Variants in PTPRO observed in about 807,000 individuals in gnomAD.
PTPRO encodes receptor-type tyrosine-protein phosphatase O.
PTPRO carries 62 observed loss-of-function variants against 145.2 expected under a neutral mutation model. The ratio of observed to expected loss-of-function variants is 0.43; its 90% CI spans 0.35 to 0.53. PTPRO has a LOEUF of 0.53. Ranked by LOEUF, PTPRO falls within the 20% of genes least tolerant of loss-of-function variation. The pLI is 0.01. For missense variants in PTPRO, 1,345 were observed against 1,482.7 expected, an observed-to-expected ratio of 0.91 and a Z score of 1.53; for synonymous variants, 565 against 514.7, an observed-to-expected ratio of 1.10 and a Z score of -1.32.
At chr12:15,514,041 T>C (rs1942522182) in intron 7 of PTPRO, among the ~76,000 whole-genome samples, 4 of 152,250 alleles carry the variant, frequency 2.6e-5, no homozygotes, top group Admixed American at 2.0e-4. Flanking sequence ...AACCTTTTAG[T>C]TGAATTATCA....
At chr12:15,355,344 G>A (rs1937951717) in intron 1 of PTPRO, among the ~76,000 whole-genome samples, 1 of 152,142 alleles carries the variant, frequency 6.6e-6, no homozygotes. Context: ...TAGAGCATGG[G>A]TGTCCTCTTC....
chr12:15,593,501 AT>A (rs1944595465), intron 25 of PTPRO, among the ~76,000 whole-genome samples: 3 of 152,194 alleles, frequency 2.0e-5, no homozygotes, highest in Admixed American at 2.0e-4. Context: ...CTCATATTAT[AT>A]GTATGTATAT....
chr12:15,513,193 G>GAA (rs1174696562), intron 7 of PTPRO, among the ~76,000 whole-genome samples: 1 of 98,976 alleles, frequency 1.0e-5, no homozygotes, highest in East Asian at 2.8e-4. Flanking sequence ...AAGAAAGAAA[G>GAA]AAAGAAAGAA....
At chr12:15,510,415 C>T (rs777731615) in intron 7 of PTPRO, among the ~76,000 whole-genome samples, 2 of 152,174 alleles carry the variant, frequency 1.3e-5, no homozygotes, top group Non-Finnish European at 2.9e-5. Flanking sequence ...CCCCTACAGA[C>T]CTTGACCTAG....
At chr12:15,541,489 A>T (rs778325996) in intron 12 of PTPRO, among the ~76,000 whole-genome samples, 8 of 152,196 alleles carry the variant, frequency 5.3e-5, no homozygotes, top group Non-Finnish European at 1.2e-4. Flanking sequence ...AACAACAGAA[A>T]TTTGTTTTCT....
At chr12:15,499,881 A>G (rs535106727) in intron 4 of PTPRO, among the ~76,000 whole-genome samples, 3 of 152,228 alleles carry the variant, frequency 2.0e-5, no homozygotes, top group Non-Finnish European at 4.4e-5. Flanking sequence ...GATCTAGTAG[A>G]CATCAGTTAT....
intron 2 of PTPRO, among the ~76,000 whole-genome samples, chr12:15,487,973 T>C (rs1299940172): frequency 6.6e-6 from 1 of 152,190 alleles, no homozygotes; most frequent in Admixed American, 6.5e-5. Flanking sequence ...TGTTGTATCC[T>C]CTTCCTGCTG....
rs1271095110 is a variant in PTPRO at position 15,524,826 on chromosome 12, C to T, written c.1904C>T (p.Pro635Leu). ...TISFITAPVAPEITSVEYFNS... is the reference protein window; with the variant it reads ...TISFITAPVALEITSVEYFNS... ...TTCTCCCTTGTAGCCCCAGTGGCTC[C>T]GGAAATCACTTCTGTGGAATATTTC... The change falls in exon 11 of 27, where the codon CCG becomes CTG. Residue 635 changes from proline to leucine, a missense_variant. Physicochemically the swap from Pro to Leu is moderately conservative, Grantham distance 98. This residue lies in a region of PTPRO where 1,130 missense variants were observed against 1,214.7 expected (regional missense o/e 0.93). Coordinates refer to ENST00000281171, the MANE Select transcript of PTPRO (RefSeq NM_030667.3). 5 of 1,613,342 alleles carry T rather than the reference C, an allele frequency of 3.1e-6. No homozygotes were observed. The highest frequency in any genetic ancestry group is 4.2e-6 in the Non-Finnish European group (5 of 1,179,368).
Position 15,413,434 on chromosome 12 carries a change from G to A in PTPRO, c.76-70540G>A, listed in dbSNP as rs1054246316. ...CAATTAATGATTGGGTGTGATTTAT[G>A]TAGTGAATGATTATATGCTTTAAAT... On this transcript the variant is annotated intron_variant, in intron 1 of 26. Transcript: ENST00000281171. Among the ~76,000 whole-genome samples the A allele has an allele frequency of 2.0e-5, 3 of 152,172 alleles. No individual in the cohort carries two copies. The East Asian group carries it at 5.8e-4, about 29-fold the overall frequency.
At chr12:15,483,566 T>G (rs941055679) in intron 1 of PTPRO, among the ~76,000 whole-genome samples, 1 of 152,066 alleles carries the variant, frequency 6.6e-6, no homozygotes, top group African/African-American at 2.4e-5. Flanking sequence ...CCCTCTAAAG[T>G]AAAAAGAGTA....
intron 1 of PTPRO, among the ~76,000 whole-genome samples, chr12:15,462,959 G>A (rs1401158728): frequency 6.6e-6 from 1 of 151,936 alleles, no homozygotes; most frequent in Non-Finnish European, 1.5e-5. Flanking sequence ...TTATTCCAAT[G>A]AAACAAAGAA....
intron 1 of PTPRO, among the ~76,000 whole-genome samples, chr12:15,364,826 C>T (rs1021394359): frequency 1.3e-5 from 2 of 152,162 alleles, no homozygotes; most frequent in Non-Finnish European, 2.9e-5. Flanking sequence ...ATCCCGGAAT[C>T]ACTGGTCCCA....
rs1866325249 is a variant in PTPRO, at chr12:15,322,578, G to A, written c.-149G>A. ...GGGCGCAGAGGAGGAAAGGGAGCAG[G>A]CGCAGGGGGACTGGAAAGGCAGCAT... On this transcript the variant is annotated 5_prime_UTR_variant, in exon 1 of 27. Coordinates refer to ENST00000281171, the MANE Select transcript of PTPRO (RefSeq NM_030667.3). The surrounding 1 kb of genome is among the most constrained non-coding windows in gnomAD (Gnocchi z 6.3). 2.8e-6 allele frequency: 2 copies of A among 713,926 alleles called. No homozygotes were observed. Among genetic ancestry groups the A allele is most frequent in the East Asian group, 2.7e-5 (1 of 36,980 alleles). 44.2% of individuals were successfully genotyped at this position (713,926 alleles called of 1,614,324 possible). A position where few individuals can be genotyped will look rare whatever the true frequency, so the allele number is the denominator to read the frequency against.
intron 1 of PTPRO, among the ~76,000 whole-genome samples, chr12:15,401,982 A>G (rs1164538807): frequency 6.6e-6 from 1 of 152,220 alleles, no homozygotes; most frequent in Non-Finnish European, 1.5e-5. Context: ...TGTCAGGATT[A>G]TTTTGGTGCC....
At chr12:15,570,232 C>G (rs76745598) in intron 19 of PTPRO, among the ~76,000 whole-genome samples, 1 of 152,000 alleles carries the variant, frequency 6.6e-6, no homozygotes, top group African/African-American at 2.4e-5. Context: ...GTCTAAATGG[C>G]CCCCCATCCT....
Position 15,351,673 on chromosome 12 carries a change from C to G in PTPRO, c.75+28872C>G, listed in dbSNP as rs569230437. 2.0e-4 allele frequency among the ~76,000 whole-genome samples: 31 copies of G among 152,108 alleles called. No individual in the cohort carries two copies. In the East Asian group the frequency reaches 5.6e-3, roughly 28 times the overall value. ...AAAACATTTTTATAATATTTAAATC[C>G]CTGGATCTAGCCATGCCTTACTGAA... On this transcript the variant is annotated intron_variant, in intron 1 of 26. Transcript: ENST00000281171.
At chr12:15,519,336 A>G (rs952842387) in intron 9 of PTPRO, among the ~76,000 whole-genome samples, 18 of 152,286 alleles carry the variant, frequency 1.2e-4, no homozygotes, top group Middle Eastern at 3.4e-3. Flanking sequence ...TCAAGATGAG[A>G]TTTGGGTGGG....
intron 19 of PTPRO, among the ~76,000 whole-genome samples, chr12:15,573,543 TG>T (rs1944108908): frequency 6.6e-6 from 1 of 152,210 alleles, no homozygotes; most frequent in African/African-American, 2.4e-5. Flanking sequence ...AGAACATTAT[TG>T]GTCATATATG....
intron 1 of PTPRO, among the ~76,000 whole-genome samples, chr12:15,423,016 GTGTT>G (rs1258563405): frequency 1.5e-4 from 23 of 152,306 alleles, no homozygotes; most frequent in African/African-American, 5.5e-4. Flanking sequence ...GGGAATTTAT[GTGTT>G]TGTTTAACTT....
Sources: gnomAD v4.1 joint callset for allele counts (sites outside exome capture counted in the v4.1 genomes callset) on GRCh38, gnomAD v4.1.1 for gene constraint, gnomAD v4.1.1 regional missense constraint, Gnocchi (gnomAD v3.1) non-coding constraint, MANE v1.5 for transcripts, NCBI Gene and HGNC (gene_info 2026-07-23, HGNC 2026-07-21) for gene names.